EPHB1: variants seen among roughly 807,000 people sequenced by gnomAD.
EPHB1 encodes EPH receptor B1, also known as ephrin type-B receptor 1.
In EPHB1, 30 loss-of-function variants were observed where a neutral mutation model predicts 94.4. That is an observed-to-expected ratio of 0.32 (90% CI 0.24 to 0.43). The LOEUF (loss-of-function observed/expected upper bound fraction) is 0.43. EPHB1 is among the 20% of genes least tolerant of loss of function. The probability of loss-of-function intolerance (pLI) is 1.00; values close to 1 mark genes in which losing one functional copy is unlikely to be tolerated. For synonymous variants in EPHB1, 522 were observed against 489.1 expected, an observed-to-expected ratio of 1.07 and a Z score of -0.89; for missense variants, 1,055 against 1,308.3, an observed-to-expected ratio of 0.81 and a Z score of 2.99.
intron 12 of EPHB1, among the ~76,000 whole-genome samples, chr3:135,217,169 C>T (rs1401946874): frequency 2.0e-5 from 3 of 152,146 alleles, no homozygotes; most frequent in Non-Finnish European, 2.9e-5. Flanking sequence ...CCGAGACCTT[C>T]TTGGCTTTGA....
chr3:135,027,034 G>A (rs376802747), intron 3 of EPHB1, among the ~76,000 whole-genome samples: 11 of 130,404 alleles, frequency 8.4e-5, no homozygotes, highest in South Asian at 2.7e-4. Context: ...TTGGTGTATA[G>A]GAATGCTTGT....
At chr3:135,017,867 G>A (rs927772976) in intron 3 of EPHB1, among the ~76,000 whole-genome samples, 3 of 152,188 alleles carry the variant, frequency 2.0e-5, no homozygotes, top group African/African-American at 7.2e-5. Context: ...TGCTGTGGTT[G>A]CTCAGTCTGT....
chr3:135,003,306 G>T (rs1345250409), intron 3 of EPHB1, among the ~76,000 whole-genome samples: 1 of 151,952 alleles, frequency 6.6e-6, no homozygotes, highest in Non-Finnish European at 1.5e-5. Flanking sequence ...TAGTTTGATT[G>T]CACTGTGGTC....
At chr3:135,235,969 C>T (rs1040898999) in intron 12 of EPHB1, among the ~76,000 whole-genome samples, 3 of 152,138 alleles carry the variant, frequency 2.0e-5, no homozygotes, top group African/African-American at 4.8e-5. Context: ...TAATAGTAGC[C>T]CGTGATGGTT....
In EPHB1 at chr3:135,248,302, G is replaced by C. The variant is rs1188004508; in HGVS notation, c.2497-14G>C. The C allele has an allele frequency of 6.4e-7, 1 of 1,563,274 alleles. No individual in the cohort carries two copies. The highest frequency in any genetic ancestry group is 1.3e-5 in the African/African-American group (1 of 74,106). ...AGTCACTCAATCACACCTGTTCCCT[G>C]TATGTCACTGCAGGTCATCAATGCC... is the stretch of plus-strand genomic sequence containing the variant. On this transcript the variant is annotated splice_polypyrimidine_tract_variant and intron_variant, in intron 13 of 15. Transcript: ENST00000398015.
intron 2 of EPHB1, among the ~76,000 whole-genome samples, chr3:134,940,702 G>C (rs976202625): frequency 6.6e-6 from 1 of 152,188 alleles, no homozygotes; most frequent in African/African-American, 2.4e-5. Flanking sequence ...ACTGCCAGCT[G>C]TCACTCTATT....
At chr3:134,875,034 T>A (rs2037588042) in intron 1 of EPHB1, among the ~76,000 whole-genome samples, 1 of 152,192 alleles carries the variant, frequency 6.6e-6, no homozygotes, top group Admixed American at 6.5e-5. Flanking sequence ...GGCTTTTGCA[T>A]CACTTCCGGG....
intron 3 of EPHB1, among the ~76,000 whole-genome samples, chr3:135,072,703 G>C (rs184863067): frequency 6.6e-6 from 1 of 152,328 alleles, no homozygotes; most frequent in African/African-American, 2.4e-5. Context: ...TGACCTTGCT[G>C]TCTGGCACGC....
intron 3 of EPHB1, among the ~76,000 whole-genome samples, chr3:134,962,557 CTG>C (rs1933560226): frequency 6.6e-6 from 1 of 152,194 alleles, no homozygotes; most frequent in Non-Finnish European, 1.5e-5. Context: ...AAGGCCGAAT[CTG>C]CCTGGTTTGC....
intron 2 of EPHB1, among the ~76,000 whole-genome samples, chr3:134,946,031 C>G (rs2039210625): frequency 6.6e-6 from 1 of 152,170 alleles, no homozygotes; most frequent in African/African-American, 2.4e-5. Flanking sequence ...AGGACTGATA[C>G]CTGAAAGAGT....
chr3:135,146,315 A>G lies in EPHB1; in HGVS notation c.1298-7837A>G, dbSNP rs1941007963. On this transcript the variant is annotated intron_variant, in intron 5 of 15. Transcript: ENST00000398015. ...TTTTAGCATTGGAGTAACAAAGGTA[A>G]AATTGAGTTTAGAAAGATTAATATG... 2.0e-5 allele frequency among the ~76,000 whole-genome samples: 3 copies of G among 152,210 alleles called. No individual in the cohort carries two copies. The South Asian group carries it at 6.2e-4, about 32-fold the overall frequency.
At chr3:135,179,707 G>A (rs1015357966) in intron 9 of EPHB1, among the ~76,000 whole-genome samples, 153 bp from the exon 10 acceptor site, 2 of 152,170 alleles carry the variant, frequency 1.3e-5, no homozygotes, top group Admixed American at 6.5e-5. Context: ...AGATGAGGAG[G>A]CCCAGCAAGA....
chr3:135,053,018 T>A (rs1937231186), intron 3 of EPHB1, among the ~76,000 whole-genome samples: 1 of 37,222 alleles, frequency 2.7e-5, no homozygotes, highest in Admixed American at 2.4e-4. Context: ...TATATATGTG[T>A]GTGTGTGTGT....
At chr3:135,163,137 T>C (rs999276049) in intron 7 of EPHB1, among the ~76,000 whole-genome samples, 3 of 152,174 alleles carry the variant, frequency 2.0e-5, no homozygotes, top group African/African-American at 7.2e-5. Context: ...TCAGTCTGGG[T>C]GTTTGATAGG....
chr3:135,164,125 G>GT (rs1261322203), intron 7 of EPHB1, among the ~76,000 whole-genome samples: 1 of 152,178 alleles, frequency 6.6e-6, no homozygotes, highest in Non-Finnish European at 1.5e-5. Context: ...TAAAGACATT[G>GT]TTAAGGATGC....
Position 134,801,513 on chromosome 3 carries a change from G to A in EPHB1, c.58+5824G>A, listed in dbSNP as rs1259564660. 5.3e-5 allele frequency among the ~76,000 whole-genome samples: 8 copies of A among 152,320 alleles called. No homozygotes were observed. In the East Asian group the frequency reaches 1.5e-3, roughly 29 times the overall value. ...CCAGGAGTCTGCATTCCTTGGAAGA[G>A]CTCTTTTTATGTTTCCCTCTTATGC... On this transcript the variant is annotated intron_variant, in intron 1 of 15. Coordinates refer to ENST00000398015, the MANE Select transcript of EPHB1 (RefSeq NM_004441.5).
At chr3:135,102,889 C>G (rs1232330735) in intron 3 of EPHB1, among the ~76,000 whole-genome samples, 1 of 152,058 alleles carries the variant, frequency 6.6e-6, no homozygotes, top group Non-Finnish European at 1.5e-5. Context: ...GAAAACCAAA[C>G]AACATATGTT....
At chr3:135,073,721 G>A (rs1426829078) in intron 3 of EPHB1, among the ~76,000 whole-genome samples, 1 of 151,838 alleles carries the variant, frequency 6.6e-6, no homozygotes, top group Non-Finnish European at 1.5e-5. Flanking sequence ...AAACTGCAGT[G>A]GGTTTATTAT....
At chr3:134,982,262 C>T (rs1300463358) in intron 3 of EPHB1, among the ~76,000 whole-genome samples, 1 of 151,976 alleles carries the variant, frequency 6.6e-6, no homozygotes, top group African/African-American at 2.4e-5. Flanking sequence ...TAGAAATCAT[C>T]CAGTGATTTC....
Sources: gnomAD v4.1 joint callset for allele counts (sites outside exome capture counted in the v4.1 genomes callset) on GRCh38, gnomAD v4.1.1 for gene constraint, MANE v1.5 for transcripts, NCBI Gene and HGNC (gene_info 2026-07-23, HGNC 2026-07-21) for gene names.